NCOA1: variants seen among roughly 807,000 people sequenced by gnomAD.
NCOA1 encodes the protein Hin-2 protein.
In NCOA1, 35 loss-of-function variants were observed where a neutral mutation model predicts 150.9. That is an observed-to-expected ratio of 0.23 (90% confidence interval 0.18 to 0.31). The LOEUF is 0.31. Among genes scored for constraint, NCOA1 ranks in the 10% least tolerant of loss-of-function variants. The pLI, the probability that NCOA1 is intolerant of heterozygous loss-of-function variation, is 1.00. For missense variants in NCOA1, 1,491 were observed against 1,749.3 expected (o/e 0.85, Z 2.63); for synonymous variants, 590 against 630.0 (o/e 0.94, Z 0.95).
chr2:24,579,564 G>C (rs1358093575), intron 2 of NCOA1, among the ~76,000 whole-genome samples: 1 of 152,156 alleles, frequency 6.6e-6, no homozygotes, highest in African/African-American at 2.4e-5. Flanking sequence ...GCTAGAGCTT[G>C]AGTGGCGAAG....
chr2:24,593,826 T>C (rs556407873), intron 3 of NCOA1, among the ~76,000 whole-genome samples: 1 of 152,152 alleles, frequency 6.6e-6, no homozygotes, highest in South Asian at 2.1e-4. Context: ...TCACCCAATA[T>C]GTATCTTTAG....
At chr2:24,536,000 T>G (rs1242505463) in intron 1 of NCOA1, among the ~76,000 whole-genome samples, 1 of 152,198 alleles carries the variant, frequency 6.6e-6, no homozygotes, top group Admixed American at 6.5e-5. Context: ...TTGGCCTGCC[T>G]TGCTAGGTTG....
intron 3 of NCOA1, among the ~76,000 whole-genome samples, chr2:24,625,981 TG>T (rs1411630138): frequency 6.6e-6 from 1 of 152,186 alleles, no homozygotes; most frequent in Non-Finnish European, 1.5e-5. Flanking sequence ...ATTCTATAGT[TG>T]TTGGATATAG....
intron 14 of NCOA1, among the ~76,000 whole-genome samples, chr2:24,716,812 A>C (rs1456113523): frequency 6.6e-6 from 1 of 152,256 alleles, no homozygotes; most frequent in Non-Finnish European, 1.5e-5. Flanking sequence ...TTCACTTGTA[A>C]TTCTACCAAA....
chr2:24,622,832 C>T (rs545286617), intron 3 of NCOA1, among the ~76,000 whole-genome samples: 1 of 152,112 alleles, frequency 6.6e-6, no homozygotes, highest in South Asian at 2.1e-4. Flanking sequence ...TATGGTTTCT[C>T]CTAGTAGGTT....
At chr2:24,569,684 A>C (rs1666660074) in intron 2 of NCOA1, among the ~76,000 whole-genome samples, 1 of 148,206 alleles carries the variant, frequency 6.7e-6, no homozygotes, top group African/African-American at 2.5e-5. Context: ...AACCTGGCCA[A>C]TGTGGTGAAA....
intron 3 of NCOA1, among the ~76,000 whole-genome samples, chr2:24,601,402 A>G (rs980675402): frequency 1.3e-5 from 2 of 152,040 alleles, no homozygotes; most frequent in African/African-American, 2.4e-5. Flanking sequence ...ATTTTTAGAG[A>G]TGGCATCTCA....
intron 14 of NCOA1, among the ~76,000 whole-genome samples, chr2:24,726,238 A>G (rs929168324): frequency 2.6e-5 from 4 of 152,118 alleles, no homozygotes; most frequent in African/African-American, 9.7e-5. Flanking sequence ...ACACTGTGTT[A>G]CTTATAGCAT....
At chr2:24,540,815 A>G (rs1396454918) in intron 1 of NCOA1, among the ~76,000 whole-genome samples, 1 of 152,162 alleles carries the variant, frequency 6.6e-6, no homozygotes, top group Non-Finnish European at 1.5e-5. Flanking sequence ...CTTAGATAGC[A>G]GCATAAGGAG....
chr2:24,504,089 A>G (rs1440725994), intron 1 of NCOA1, among the ~76,000 whole-genome samples: 1 of 151,118 alleles, frequency 6.6e-6, no homozygotes, highest in Admixed American at 6.6e-5. Flanking sequence ...ATTATAGTAG[A>G]TGGAGACTTG....
intron 1 of NCOA1, among the ~76,000 whole-genome samples, chr2:24,504,663 C>T (rs1663616111): frequency 6.6e-6 from 1 of 152,200 alleles, no homozygotes; most frequent in Non-Finnish European, 1.5e-5. Flanking sequence ...AGAAACTTTA[C>T]TAGTGTGTCT....
At chr2:24,723,320 T>C (rs555620601) in intron 14 of NCOA1, among the ~76,000 whole-genome samples, 10 of 152,346 alleles carry the variant, frequency 6.6e-5, no homozygotes, top group African/African-American at 2.2e-4. Context: ...GCTGTACAAC[T>C]TCTTACAGTT....
chr2:24,546,016 T>A (rs1665593364), intron 1 of NCOA1, among the ~76,000 whole-genome samples: 1 of 152,182 alleles, frequency 6.6e-6, no homozygotes, highest in African/African-American at 2.4e-5. Flanking sequence ...CTTGAACTCC[T>A]GACCTCAGGT....
chr2:24,610,185 C>T (rs951754831), intron 3 of NCOA1, among the ~76,000 whole-genome samples: 6 of 137,230 alleles, frequency 4.4e-5, no homozygotes, highest in South Asian at 2.3e-4. Flanking sequence ...AGTGCAGTGG[C>T]GTGATCTCTG....
At chr2:24,497,071 G>C (rs892626862) in intron 1 of NCOA1, among the ~76,000 whole-genome samples, 1 of 152,160 alleles carries the variant, frequency 6.6e-6, no homozygotes, top group African/African-American at 2.4e-5. Flanking sequence ...TACTGTGCTA[G>C]CTCTACATAT....
chr2:24,706,501 G>A (rs1327933948), intron 12 of NCOA1, 67 bp from the exon 13 acceptor site: 1 of 1,461,276 alleles, frequency 6.8e-7, no homozygotes, highest in African/African-American at 1.4e-5. Context: ...TTTAGAATAT[G>A]TATCATAAAA....
intron 3 of NCOA1, among the ~76,000 whole-genome samples, chr2:24,636,231 C>G (rs1669933972): frequency 6.6e-6 from 1 of 152,084 alleles, no homozygotes. Context: ...AACCCATGAA[C>G]ATGTTAAACC....
chr2:24,499,444 A>G (rs1663361590), intron 1 of NCOA1, among the ~76,000 whole-genome samples: 1 of 152,200 alleles, frequency 6.6e-6, no homozygotes, highest in Non-Finnish European at 1.5e-5. Flanking sequence ...TTTGTTTATC[A>G]GATCTAATTT....
chr2:24,542,793 T>G (rs1233259581), intron 1 of NCOA1, among the ~76,000 whole-genome samples: 1 of 152,208 alleles, frequency 6.6e-6, no homozygotes, highest in Non-Finnish European at 1.5e-5. Context: ...AACTTTTTAC[T>G]TTTTCTGAAG....
Sources: gnomAD v4.1 joint callset for allele counts (sites outside exome capture counted in the v4.1 genomes callset) on GRCh38, gnomAD v4.1.1 for gene constraint, MANE v1.5 for transcripts, NCBI Gene and HGNC (gene_info 2026-07-23, HGNC 2026-07-21) for gene names.